The following BCOR variants were observed in gnomAD, a reference collection of about 807,000 sequenced individuals.
BCOR encodes the protein BCL6 corepressor.
A neutral mutation model predicts 86.7 loss-of-function variants in BCOR; 10 were observed. The ratio of observed to expected loss-of-function variants is 0.12; its 90% CI spans 0.07 to 0.20. BCOR has a LOEUF of 0.20. Among genes scored for constraint, BCOR ranks in the 10% least tolerant of loss-of-function variants. The probability of loss-of-function intolerance (pLI) is 1.00; values close to 1 mark genes in which losing one functional copy is unlikely to be tolerated. For missense variants in BCOR, 1,259 were observed against 1,452.1 expected, an observed-to-expected ratio of 0.87 and a Z score of 2.16; for synonymous variants, 611 against 609.0, an observed-to-expected ratio of 1.00 and a Z score of -0.05.
At chrX:40,064,798 C>T (rs942628561) in intron 6 of BCOR, among the ~76,000 whole-genome samples, 199 bp from the exon 7 acceptor site, 2 of 111,650 alleles carry the variant, frequency 1.8e-5, no homozygotes, top group Non-Finnish European at 1.9e-5. Flanking sequence ...ACATTGAAGA[C>T]GAGTGGCAAG....
intron 1 of BCOR, among the ~76,000 whole-genome samples, chrX:40,151,889 G>T (rs1184126897): frequency 8.9e-6 from 1 of 112,272 alleles, no homozygotes; most frequent in East Asian, 2.8e-4. Flanking sequence ...CTCGGAGCGC[G>T]CCTGGTGTTT....
At chrX:40,055,625 C>T (rs1934553983) in intron 11 of BCOR, 112 bp from the exon 12 acceptor site, 2 of 863,017 alleles carry the variant, frequency 2.3e-6, no homozygotes, top group Admixed American at 5.0e-5. Flanking sequence ...ACCTTGGGTA[C>T]TGAGCCTCCT....
chrX:40,124,750 ACAC>A lies in BCOR; in HGVS notation c.-40-46784_-40-46782del, dbSNP rs1466891293. ...CCCGAGTCGCTGGGACTACAGGCACACACCACCACCACCTGGCTAATTTTTTGG... is the reference window on the plus strand; with the variant it reads ...CCCGAGTCGCTGGGACTACAGGCACACACCACCACCTGGCTAATTTTTTGG... On this transcript the variant is annotated intron_variant, in intron 1 of 14. Coordinates refer to the BCOR transcript ENST00000342274. Among the ~76,000 whole-genome samples, 8 of 109,502 alleles carry A rather than the reference ACAC, an allele frequency of 7.3e-5. No individual in the cohort carries two copies. In the East Asian group the frequency reaches 2.3e-3, roughly 31 times the overall value.
At chrX:40,115,179 A>G (rs150963010) in intron 1 of BCOR, among the ~76,000 whole-genome samples, 1,143 of 110,881 alleles carry the variant, frequency 0.01, 12 homozygotes, top group African/African-American at 0.036. Flanking sequence ...GAGTGTGGCT[A>G]CGGGGATTCT....
Position 40,055,510 on chromosome X carries a change from A to T in BCOR, c.4599T>A (p.Pro1533=). The change falls in exon 12 of 15, where the codon CCT becomes CCA. Residue 1533 remains proline, a synonymous_variant. Transcript: ENST00000378444. ...VNCSAQDGTR[P]LHDAVENDHL... is the part of the protein sequence containing the mutation. ...GATCGTTCTCAACAGCATCGTGCAG[A>T]GGCCTAGGAAGAGAGGCGCAATAGA... is the stretch of plus-strand genomic sequence containing the variant. 1.7e-6 allele frequency: 2 copies of T among 1,211,455 alleles called. No homozygotes were observed. Among genetic ancestry groups the T allele is most frequent in the African/African-American group, 3.5e-5 (2 of 57,784 alleles).
chrX:40,076,858 G>GGAGCTCGGCTGTCCCAGCCAACCC, intron 2 of BCOR: 1 of 327,903 alleles, frequency 3.0e-6, no homozygotes, highest in Non-Finnish European at 5.8e-6. Context: ...TAGGCCAATC[G>GGAGCTCGGCTGTCCCAGCCAACCC]GAGCTCGGCT....
intron 1 of BCOR, among the ~76,000 whole-genome samples, chrX:40,105,217 G>A (rs1414831492): frequency 9.0e-6 from 1 of 110,900 alleles, no homozygotes; most frequent in Non-Finnish European, 1.9e-5. Context: ...ACCACCCTGC[G>A]GCCCCCATCC....
At chrX:40,148,474 G>C (rs1938106882) in intron 1 of BCOR, among the ~76,000 whole-genome samples, 1 of 111,020 alleles carries the variant, frequency 9.0e-6, no homozygotes, top group South Asian at 3.8e-4. Flanking sequence ...GGATTGCCTA[G>C]CCTGAATGCA....
chrX:40,093,277 A>G (rs1337332694), intron 1 of BCOR, among the ~76,000 whole-genome samples: 4 of 111,980 alleles, frequency 3.6e-5, no homozygotes, highest in Non-Finnish European at 7.5e-5. Context: ...TAATCTGAGC[A>G]TTCGTACTAC....
At chrX:40,151,027 AG>A (rs746897719) in intron 1 of BCOR, among the ~76,000 whole-genome samples, 2 of 111,841 alleles carry the variant, frequency 1.8e-5, no homozygotes, top group South Asian at 7.4e-4. Flanking sequence ...AAGGAGGCTA[AG>A]GCTGGGGATG....
intron 1 of BCOR, among the ~76,000 whole-genome samples, chrX:40,088,858 G>A (rs1936473822): frequency 1.8e-5 from 2 of 111,930 alleles, no homozygotes; most frequent in African/African-American, 6.5e-5. Context: ...GTTCCCCCCT[G>A]AAATAATGCC....
At chrX:40,161,479 T>C (rs1409612243) in intron 1 of BCOR, among the ~76,000 whole-genome samples, 43 of 101,246 alleles carry the variant, frequency 4.2e-4, no homozygotes, top group Non-Finnish European at 8.3e-4. Context: ...ATTACAGGTG[T>C]GAGCCAGAAA....
chrX:40,152,897 CGA>C (rs1938199604), intron 1 of BCOR, among the ~76,000 whole-genome samples: 1 of 113,088 alleles, frequency 8.8e-6, no homozygotes, highest in Non-Finnish European at 1.9e-5. Context: ...AGGGAAAAGC[CGA>C]GAGGGCGGGA....
At chrX:40,166,267 C>G (rs975093046) in intron 1 of BCOR, among the ~76,000 whole-genome samples, 3 of 112,261 alleles carry the variant, frequency 2.7e-5, no homozygotes, top group Non-Finnish European at 5.6e-5. Flanking sequence ...GTAAGGGAGA[C>G]AGACTGCAAC....
At chrX:40,085,938 G>C (rs768343138) in intron 1 of BCOR, among the ~76,000 whole-genome samples, 1 of 111,855 alleles carries the variant, frequency 8.9e-6, no homozygotes, top group Admixed American at 9.4e-5. Context: ...GGGGTACCAG[G>C]AACTCAAAGA....
intron 1 of BCOR, among the ~76,000 whole-genome samples, chrX:40,133,453 CTTTTTTT>C (rs757749262): frequency 3.0e-3 from 261 of 85,619 alleles, no homozygotes; most frequent in Middle Eastern, 9.1e-3. Flanking sequence ...TCAATTTCAA[CTTTTTTT>C]TTTTTTTTTT....
chrX:40,172,394 C>T (rs1938644167), intron 1 of BCOR, among the ~76,000 whole-genome samples: 1 of 112,746 alleles, frequency 8.9e-6, no homozygotes, highest in Non-Finnish European at 1.9e-5. Context: ...TACTAGCGTG[C>T]GCGCAGACCT....
intron 1 of BCOR, among the ~76,000 whole-genome samples, chrX:40,171,481 T>G (rs1295180959): frequency 9.9e-6 from 1 of 100,594 alleles, no homozygotes; most frequent in Non-Finnish European, 2.0e-5. Context: ...TTCATGTGTT[T>G]AGGTTTAATC....
At chrX:40,139,484 TATATATATATATA>T (rs1418241787) in intron 1 of BCOR, among the ~76,000 whole-genome samples, 7 of 15,726 alleles carry the variant, frequency 4.5e-4, no homozygotes, top group Admixed American at 3.8e-3. Flanking sequence ...TATATATATA[TATATATATATATA>T]TTTTTTTTTT....
Sources: allele counts gnomAD v4.1 joint callset (sites outside exome capture counted in the v4.1 genomes callset), GRCh38; gene constraint gnomAD v4.1.1; transcripts MANE v1.5; gene names NCBI Gene and HGNC (gene_info 2026-07-23, HGNC 2026-07-21).